The following USP47 variants were observed in gnomAD, a reference collection of about 807,000 sequenced individuals.
USP47 encodes the protein ubiquitin specific peptidase 47, also known as ubiquitin carboxyl-terminal hydrolase 47.
In USP47, 35 loss-of-function variants were observed where a neutral mutation model predicts 165.1. The ratio of observed to expected loss-of-function variants is 0.21; its 90% CI spans 0.16 to 0.28. USP47 has a LOEUF of 0.28. USP47 is among the 10% of genes least tolerant of loss of function. USP47 has a pLI of 1.00. For synonymous variants in USP47, 531 were observed against 544.5 expected (o/e 0.98, Z 0.35); for missense variants, 1,277 against 1,607.4 (o/e 0.79, Z 3.52).
At chr11:11,860,218 C>T (rs1485520942) in intron 1 of USP47, among the ~76,000 whole-genome samples, 1 of 151,714 alleles carries the variant, frequency 6.6e-6, no homozygotes, top group Non-Finnish European at 1.5e-5. Flanking sequence ...GGCGCGATCT[C>T]GGCTCACCAC....
At chr11:11,920,591 G>T in intron 10 of USP47, 97 bp downstream of exon 10, 1 of 1,129,534 alleles carries the variant, frequency 8.9e-7, no homozygotes, top group Non-Finnish European at 1.2e-6. Flanking sequence ...GATGTCATTT[G>T]GACTGTCTTC....
intron 3 of USP47, among the ~76,000 whole-genome samples, chr11:11,890,034 C>T (rs1458763878): frequency 2.0e-5 from 3 of 152,054 alleles, no homozygotes; most frequent in African/African-American, 4.8e-5. Context: ...TTCCTTACAC[C>T]ATAAACAAAA....
intron 1 of USP47, among the ~76,000 whole-genome samples, chr11:11,850,391 A>G (rs1175870672): frequency 7.8e-6 from 1 of 127,664 alleles, no homozygotes; most frequent in African/African-American, 3.1e-5. Context: ...TATAATATGT[A>G]TAGTTTCCAT....
In USP47 at chr11:11,875,033, T is replaced by TTGTATGTGTGTG. The variant is rs1491193505; in HGVS notation, c.40-5141_40-5140insATGTGTGTGTGT. Among the ~76,000 whole-genome samples the TTGTATGTGTGTG allele has an allele frequency of 7.1e-4, 68 of 95,420 alleles. 1 individual carries two copies. Among genetic ancestry groups the TTGTATGTGTGTG allele is most frequent in the African/African-American group, 1.4e-3 (34 of 24,792 alleles). 62.6% of individuals were successfully genotyped at this position (95,420 alleles called of 152,430 possible). ...CCAAAAGGGAGAGAAAATTGACTTA[T>TTGTATGTGTGTG]TGTGTGTGTGTGTGTGTGTGTGTGT... On this transcript the variant is annotated intron_variant, in intron 1 of 27. Transcript: ENST00000527733.
intron 11 of USP47, among the ~76,000 whole-genome samples, 181 bp downstream of exon 11, chr11:11,923,072 A>G (rs959339787): frequency 1.0e-5 from 1 of 99,126 alleles, no homozygotes; most frequent in Non-Finnish European, 2.2e-5. Flanking sequence ...ATATATATAT[A>G]TATATATATA....
chr11:11,959,770 C>T lies in USP47; in HGVS notation c.*3595C>T, dbSNP rs140174996. Among the ~76,000 whole-genome samples, 4 of 152,224 alleles carry T rather than the reference C, an allele frequency of 2.6e-5. No individual in the cohort carries two copies. In the East Asian group the frequency reaches 7.7e-4, roughly 29 times the overall value. On this transcript the variant is annotated 3_prime_UTR_variant, in exon 28 of 28. Coordinates refer to ENST00000527733, the MANE Select transcript of USP47 (RefSeq NM_001282659.2). The stretch of plus-strand genomic sequence containing the variant: ...TCCCCATCACAGCACTGCCCCTTTC[C>T]ACCTCCTCACCAGCTCACCTGTACA...
At chr11:11,949,822 T>G (rs1856096392) in intron 22 of USP47, 67 bp from the exon 23 acceptor site, 1 of 1,034,894 alleles carries the variant, frequency 9.7e-7, no homozygotes, top group Non-Finnish European at 1.4e-6. Flanking sequence ...ATTTTTATTT[T>G]AATGTGTTAA....
chr11:11,869,485 C>G (rs559918725), intron 1 of USP47, among the ~76,000 whole-genome samples: 5 of 152,168 alleles, frequency 3.3e-5, no homozygotes, highest in Non-Finnish European at 7.3e-5. Flanking sequence ...AAATACCACA[C>G]AGTCTTGATT....
chr11:11,873,484 A>G (rs1390755291), intron 1 of USP47, among the ~76,000 whole-genome samples: 2 of 152,230 alleles, frequency 1.3e-5, no homozygotes, highest in East Asian at 3.9e-4. Context: ...CCTTTAGTGC[A>G]GAGAACTGCA....
chr11:11,872,716 A>AT (rs58188392), intron 1 of USP47, among the ~76,000 whole-genome samples: 10,237 of 152,100 alleles, frequency 0.067, 1,090 homozygotes, highest in African/African-American at 0.23. Context: ...CAGTTCAACA[A>AT]TTTTTTTGTG....
At chr11:11,952,940 TA>T in intron 25 of USP47, 69 bp downstream of exon 25, 22 of 1,111,342 alleles carry the variant, frequency 2.0e-5, no homozygotes, top group Non-Finnish European at 2.5e-5. Flanking sequence ...ATAAAATATA[TA>T]ATATATAAAC....
At chr11:11,892,426 A>G (rs1851589782) in intron 4 of USP47, among the ~76,000 whole-genome samples, 2 of 138,354 alleles carry the variant, frequency 1.4e-5, no homozygotes, top group South Asian at 2.3e-4. Flanking sequence ...CTGTTGCCCA[A>G]GCTGGAGCAC....
At chr11:11,911,986 A>C (rs951489305) in intron 8 of USP47, among the ~76,000 whole-genome samples, 2 of 152,116 alleles carry the variant, frequency 1.3e-5, no homozygotes, top group Non-Finnish European at 2.9e-5. Context: ...CATGGGTCAA[A>C]GAGGAAGTCT....
intron 1 of USP47, among the ~76,000 whole-genome samples, chr11:11,873,013 T>G (rs930659431): frequency 6.6e-6 from 1 of 152,170 alleles, no homozygotes; most frequent in Non-Finnish European, 1.5e-5. Context: ...TCCTATTTGG[T>G]TAAAAGTACT....
chr11:11,913,657 G>C (rs1412536006), intron 8 of USP47, among the ~76,000 whole-genome samples: 2 of 151,982 alleles, frequency 1.3e-5, no homozygotes, highest in Non-Finnish European at 2.9e-5. Context: ...TGGTTAATAG[G>C]TACAAACATA....
At chr11:11,848,498 T>C (rs925431130) in intron 1 of USP47, among the ~76,000 whole-genome samples, 3 of 152,224 alleles carry the variant, frequency 2.0e-5, no homozygotes, top group Non-Finnish European at 4.4e-5. Flanking sequence ...CACATGACTA[T>C]ATTTACAAAA....
intron 8 of USP47, among the ~76,000 whole-genome samples, chr11:11,919,438 C>T (rs989757557): frequency 6.6e-6 from 1 of 151,810 alleles, no homozygotes; most frequent in Non-Finnish European, 1.5e-5. Flanking sequence ...TCGTGAAAAA[C>T]CAATTACTAA....
chr11:11,911,150 G>A (rs1029545251), intron 8 of USP47, among the ~76,000 whole-genome samples: 1 of 152,132 alleles, frequency 6.6e-6, no homozygotes, highest in Non-Finnish European at 1.5e-5. Flanking sequence ...TGAACTTGAA[G>A]ATAGAATGAT....
At chr11:11,849,348 T>A (rs1187435514) in intron 1 of USP47, among the ~76,000 whole-genome samples, 1 of 152,226 alleles carries the variant, frequency 6.6e-6, no homozygotes, top group African/African-American at 2.4e-5. Flanking sequence ...GGGCCCATTT[T>A]CTCTCCAGAG....
Sources: allele counts gnomAD v4.1 joint callset (sites outside exome capture counted in the v4.1 genomes callset), GRCh38; gene constraint gnomAD v4.1.1; transcripts MANE v1.5; gene names NCBI Gene and HGNC (gene_info 2026-07-23, HGNC 2026-07-21).